The following CHMP2B variants were observed in gnomAD, a reference collection of about 807,000 sequenced individuals.
CHMP2B encodes charged multivesicular body protein 2B.
CHMP2B carries 22 observed loss-of-function variants against 29.8 expected under a neutral mutation model. That is an observed-to-expected ratio of 0.74 (90% confidence interval 0.53 to 1.05). The LOEUF is 1.05. Ranked by LOEUF, CHMP2B falls within the 50% of genes least tolerant of loss-of-function variation. The probability of loss-of-function intolerance (pLI) is 0.00; values close to 1 mark genes in which losing one functional copy is unlikely to be tolerated. For missense variants in CHMP2B, 261 were observed against 252.2 expected (o/e 1.03, Z -0.24); for synonymous variants, 78 against 75.8 (o/e 1.03, Z -0.15).
intron 2 of CHMP2B, among the ~76,000 whole-genome samples, chr3:87,244,429 A>G (rs577468406): frequency 6.6e-6 from 1 of 151,686 alleles, no homozygotes; most frequent in South Asian, 2.1e-4. Flanking sequence ...TGTTATGTTG[A>G]AGCTTATGAA....
chr3:87,249,119 A>G lies in CHMP2B; in HGVS notation c.322-756A>G, dbSNP rs142063437. Among the ~76,000 whole-genome samples, 561 of 152,286 alleles carry G rather than the reference A, an allele frequency of 3.7e-3. 5 individuals carry two copies. Among genetic ancestry groups the G allele is most frequent in the African/African-American group, 0.012 (518 of 41,570 alleles). On this transcript the variant is annotated intron_variant, in intron 3 of 5. Transcript: ENST00000263780. ...CTATATGGTATAGCCTGTTGGTCCTAGGCTACACTGTACTGGATTTTGTAG... is the reference window on the plus strand; with the variant it reads ...CTATATGGTATAGCCTGTTGGTCCTGGGCTACACTGTACTGGATTTTGTAG...
intron 1 of CHMP2B, chr3:87,240,194 C>T (rs1015242303): frequency 2.0e-5 from 3 of 153,730 alleles, no homozygotes; most frequent in Non-Finnish European, 4.3e-5. Flanking sequence ...CACCTGCTAT[C>T]AATTCTTTAT....
chr3:87,235,759 T>C (rs1705995738), intron 1 of CHMP2B, among the ~76,000 whole-genome samples: 1 of 152,180 alleles, frequency 6.6e-6, no homozygotes, highest in African/African-American at 2.4e-5. Context: ...CTTCTGACGG[T>C]AATTATCTAG....
In CHMP2B at chr3:87,240,778, A is replaced by C. The variant is rs750983989; in HGVS notation, c.114A>C (p.Gln38His). ...GAGATCGAGCAGCTTTAGAGAAACA[A>C]GAAAAACAGCTGGTAAGTAGAACGT... is the stretch of plus-strand genomic sequence containing the variant. Reference protein sequence around the residue: ...IIRDRAALEKQEKQLELEIKK... With the variant: ...IIRDRAALEKHEKQLELEIKK... Residue 38 changes from glutamine to histidine, a missense_variant, in exon 2 of 6, where the codon CAA becomes CAC. Transcript: ENST00000263780. 6.2e-7 allele frequency: 1 copy of C among 1,612,288 alleles called. No individual in the cohort carries two copies.
chr3:87,233,325 C>T (rs1705938844), intron 1 of CHMP2B, among the ~76,000 whole-genome samples: 1 of 152,162 alleles, frequency 6.6e-6, no homozygotes, highest in African/African-American at 2.4e-5. Context: ...ACTTTGTACC[C>T]ACTCTCACTG....
At chr3:87,251,730 C>T (rs755204579) in intron 4 of CHMP2B, among the ~76,000 whole-genome samples, 9 of 152,042 alleles carry the variant, frequency 5.9e-5, no homozygotes, top group South Asian at 2.1e-4. Context: ...GACACAAGAT[C>T]GTTGGGAAAT....
intron 2 of CHMP2B, among the ~76,000 whole-genome samples, chr3:87,242,199 A>G (rs150413110): frequency 1.3e-5 from 2 of 152,200 alleles, no homozygotes; most frequent in African/African-American, 2.4e-5. Context: ...ATGCTTTATT[A>G]AGTATATGTT....
intron 3 of CHMP2B, among the ~76,000 whole-genome samples, chr3:87,249,093 G>A (rs1466219474): frequency 6.6e-6 from 1 of 152,078 alleles, no homozygotes. Flanking sequence ...ACGCATCTAG[G>A]CTATATGGTA....
At chr3:87,246,956 A>T (rs1412273580) in intron 3 of CHMP2B, among the ~76,000 whole-genome samples, 3 of 152,222 alleles carry the variant, frequency 2.0e-5, no homozygotes, top group Non-Finnish European at 4.4e-5. Flanking sequence ...ACATTGCATA[A>T]GACAAAGGTT....
At position 87,240,717 on chromosome 3, in the gene CHMP2B, A is replaced by G; in HGVS notation, c.53A>G (p.Asn18Ser). 1.2e-6 allele frequency: 2 copies of G among 1,613,086 alleles called. No individual in the cohort carries two copies. The highest frequency in any genetic ancestry group is 1.7e-6 in the Non-Finnish European group (2 of 1,179,150). The change falls in exon 2 of 6, where the codon AAT (asparagine) becomes AGT (serine). Residue 18 changes from asparagine (N) to serine (S), a missense_variant. Asn to Ser is a conservative substitution (Grantham distance 46). Coordinates refer to ENST00000263780, the MANE Select transcript of CHMP2B (RefSeq NM_014043.4). ...CTCCTAGATGTAATAAAGGAACAGA[A>G]TCGAGAGTTACGAGGTACACAGAGG... is the stretch of plus-strand genomic sequence containing the variant. ...KTVDDVIKEQ[N>S]RELRGTQRAI...
Position 87,237,150 on chromosome 3 carries a change from G to A in CHMP2B, c.35-3549G>A, listed in dbSNP as rs531498712. ...ATTCCTTTGAAAGACAGGGAAATGA[G>A]AGCATTTTTGTTATTTGGGGTCAGC... On this transcript the variant is annotated intron_variant, in intron 1 of 5. Coordinates refer to ENST00000263780, the MANE Select transcript of CHMP2B (RefSeq NM_014043.4). 6.6e-5 allele frequency among the ~76,000 whole-genome samples: 10 copies of A among 152,270 alleles called. No homozygotes were observed. The South Asian group carries it at 2.1e-3, about 32-fold the overall frequency.
intron 1 of CHMP2B, among the ~76,000 whole-genome samples, chr3:87,238,509 C>A (rs1706056296): frequency 6.6e-6 from 1 of 152,144 alleles, no homozygotes; most frequent in East Asian, 1.9e-4. Flanking sequence ...TTTGTTCTGT[C>A]TGTATGGAAT....
chr3:87,248,689 T>C (rs1706260609), intron 3 of CHMP2B, among the ~76,000 whole-genome samples: 1 of 151,944 alleles, frequency 6.6e-6, no homozygotes, highest in Non-Finnish European at 1.5e-5. Context: ...CATAGGCATA[T>C]TATGGAATTT....
chr3:87,244,331 A>G (rs1281219307), intron 2 of CHMP2B, among the ~76,000 whole-genome samples: 1 of 151,764 alleles, frequency 6.6e-6, no homozygotes, highest in Non-Finnish European at 1.5e-5. Flanking sequence ...GGCGTGAGCC[A>G]CAGATTTTTC....
chr3:87,237,080 A>C (rs774245176), intron 1 of CHMP2B, among the ~76,000 whole-genome samples: 1 of 152,196 alleles, frequency 6.6e-6, no homozygotes, highest in Non-Finnish European at 1.5e-5. Context: ...TAAGTCCAAA[A>C]GAGGATCGAG....
At chr3:87,235,502 GC>G (rs1277604745) in intron 1 of CHMP2B, among the ~76,000 whole-genome samples, 2 of 151,946 alleles carry the variant, frequency 1.3e-5, no homozygotes, top group Non-Finnish European at 2.9e-5. Context: ...ATATTAATAG[GC>G]CTATTAACAA....
At chr3:87,232,348 A>G (rs1487663134) in intron 1 of CHMP2B, among the ~76,000 whole-genome samples, 1 of 152,088 alleles carries the variant, frequency 6.6e-6, no homozygotes, top group Non-Finnish European at 1.5e-5. Context: ...CTTCAGAAAC[A>G]TTTTTTCTGT....
At chr3:87,244,290 C>T (rs570784129) in intron 2 of CHMP2B, among the ~76,000 whole-genome samples, 31 of 151,592 alleles carry the variant, frequency 2.0e-4, no homozygotes, top group Admixed American at 3.9e-4. Context: ...ATTATCTGCC[C>T]GCCTCAGCCT....
chr3:87,250,857 G>T (rs181095311), intron 4 of CHMP2B, among the ~76,000 whole-genome samples: 6 of 151,528 alleles, frequency 4.0e-5, no homozygotes, highest in Non-Finnish European at 8.9e-5. Flanking sequence ...AATTCTTTCC[G>T]GAAGACTACA....
Sources: allele counts gnomAD v4.1 joint callset (sites outside exome capture counted in the v4.1 genomes callset), GRCh38; gene constraint gnomAD v4.1.1; transcripts MANE v1.5; gene names NCBI Gene and HGNC (gene_info 2026-07-23, HGNC 2026-07-21).